SUGCT: variants seen among roughly 807,000 people sequenced by gnomAD.
SUGCT encodes succinyl-CoA:glutarate-CoA transferase.
A neutral mutation model predicts 55.0 loss-of-function variants in SUGCT; 41 were observed. That is an observed-to-expected ratio of 0.74 (90% confidence interval 0.58 to 0.97). The LOEUF (loss-of-function observed/expected upper bound fraction) is 0.97. SUGCT is among the 50% of genes least tolerant of loss of function. The pLI, the probability that SUGCT is intolerant of heterozygous loss-of-function variation, is 0.00. For missense variants in SUGCT, 568 were observed against 547.8 expected, an observed-to-expected ratio of 1.04 and a Z score of -0.37; for synonymous variants, 187 against 200.4, an observed-to-expected ratio of 0.93 and a Z score of 0.56.
intron 11 of SUGCT, among the ~76,000 whole-genome samples, chr7:40,467,053 C>T (rs1038256165): frequency 6.6e-6 from 1 of 151,666 alleles, no homozygotes; most frequent in South Asian, 2.1e-4. Flanking sequence ...ATACAAAAAA[C>T]TAGCTGGGCA....
At position 40,527,008 on chromosome 7, in the gene SUGCT, T is replaced by C. The variant is rs750415977; in HGVS notation, c.1089+30622T>C. Among the ~76,000 whole-genome samples, 78 of 152,230 alleles carry C rather than the reference T, an allele frequency of 5.1e-4. 1 individual carries two copies. The highest frequency in any genetic ancestry group is 1.4e-3 in the Admixed American group (21 of 15,284). On this transcript the variant is annotated intron_variant, in intron 12 of 13. Coordinates refer to ENST00000335693, the MANE Select transcript of SUGCT (RefSeq NM_001193313.2). ...CATACTTTTCTTTCTTACTTTTTTTTCAGTTCTCATTTAATTAGAGTTACA... is the reference window on the plus strand; with the variant it reads ...CATACTTTTCTTTCTTACTTTTTTTCCAGTTCTCATTTAATTAGAGTTACA...
intron 12 of SUGCT, among the ~76,000 whole-genome samples, chr7:40,714,161 C>T (rs902321426): frequency 6.6e-6 from 1 of 152,026 alleles, no homozygotes; most frequent in African/African-American, 2.4e-5. Flanking sequence ...GAAACCCTGT[C>T]TCTACTAAAA....
At chr7:40,534,773 T>C (rs1026872439) in intron 12 of SUGCT, among the ~76,000 whole-genome samples, 4 of 152,224 alleles carry the variant, frequency 2.6e-5, no homozygotes, top group Non-Finnish European at 4.4e-5. Flanking sequence ...TAACCTTTAG[T>C]TAAATTTGAA....
chr7:40,811,606 G>A (rs1414442509), intron 13 of SUGCT, among the ~76,000 whole-genome samples: 4 of 152,008 alleles, frequency 2.6e-5, no homozygotes, highest in Admixed American at 6.6e-5. Flanking sequence ...GCTGATTTTT[G>A]TACATGGATT....
At chr7:40,497,167 G>C (rs1484838984) in intron 12 of SUGCT, among the ~76,000 whole-genome samples, 1 of 152,096 alleles carries the variant, frequency 6.6e-6, no homozygotes, top group African/African-American at 2.4e-5. Context: ...TTATTCAACT[G>C]TCTTGTCAGT....
the SUGCT span, among the ~76,000 whole-genome samples, chr7:40,969,838 T>C: frequency 6.6e-6 from 1 of 152,198 alleles, no homozygotes; most frequent in Non-Finnish European, 1.5e-5. Flanking sequence ...ACAGAAAAGG[T>C]TTAAAGTATC....
At chr7:40,167,262 A>C (rs1784466272) in intron 1 of SUGCT, among the ~76,000 whole-genome samples, 1 of 152,228 alleles carries the variant, frequency 6.6e-6, no homozygotes, top group Admixed American at 6.5e-5. Context: ...CAGACACAAA[A>C]ATACATACTG....
At chr7:40,377,431 T>C (rs1303304331) in intron 9 of SUGCT, among the ~76,000 whole-genome samples, 1 of 151,050 alleles carries the variant, frequency 6.6e-6, no homozygotes, top group Non-Finnish European at 1.5e-5. Context: ...TTAGTATAGA[T>C]GGGGTTTCAC....
intron 12 of SUGCT, among the ~76,000 whole-genome samples, chr7:40,569,846 C>T (rs1251848838): frequency 1.3e-5 from 2 of 152,110 alleles, no homozygotes; most frequent in African/African-American, 4.8e-5. Context: ...GTTAAGCCTT[C>T]GATTCTGACC....
At position 40,488,735 on chromosome 7, in the gene SUGCT, C is replaced by T. The variant is rs6971125; in HGVS notation, c.987-7549C>T. ...TTTCTGAAGGATAACATGCTGGGTACAGTATTCCTGGTTGATGGTTATTTT... is the reference window on the plus strand; with the variant it reads ...TTTCTGAAGGATAACATGCTGGGTATAGTATTCCTGGTTGATGGTTATTTT... On this transcript the variant is annotated intron_variant, in intron 11 of 13. Coordinates refer to ENST00000335693, the MANE Select transcript of SUGCT (RefSeq NM_001193313.2). Among the ~76,000 whole-genome samples the T allele has an allele frequency of 5.9e-5, 9 of 152,214 alleles. No homozygotes were observed. The South Asian group carries it at 1.5e-3, about 25-fold the overall frequency.
the SUGCT span, among the ~76,000 whole-genome samples, chr7:40,951,370 C>T: frequency 1.3e-5 from 2 of 151,790 alleles, no homozygotes; most frequent in African/African-American, 2.4e-5. Context: ...GTCTTGCTAG[C>T]GTTCTATTAA....
chr7:40,630,192 T>A (rs1030092713), intron 12 of SUGCT, among the ~76,000 whole-genome samples: 1 of 152,230 alleles, frequency 6.6e-6, no homozygotes, highest in Non-Finnish European at 1.5e-5. Flanking sequence ...AGCTGCTTTC[T>A]CATTTCATCT....
the SUGCT span, among the ~76,000 whole-genome samples, chr7:41,020,905 T>C: frequency 1.3e-5 from 2 of 152,250 alleles, no homozygotes; most frequent in African/African-American, 4.8e-5. Context: ...CAGCCTGATA[T>C]GGTTGTGGGA....
intron 13 of SUGCT, among the ~76,000 whole-genome samples, chr7:40,791,829 T>G (rs1225984884): frequency 6.6e-6 from 1 of 152,212 alleles, no homozygotes; most frequent in Non-Finnish European, 1.5e-5. Context: ...AACATGTTAC[T>G]TAAGTGAATT....
intron 13 of SUGCT, among the ~76,000 whole-genome samples, chr7:40,819,913 T>A: frequency 6.6e-6 from 1 of 152,220 alleles, no homozygotes; most frequent in Non-Finnish European, 1.5e-5. Flanking sequence ...AAGTCTTTAA[T>A]CTATCTTGAA....
At chr7:40,154,172 G>T in intron 1 of SUGCT, 1 of 198,342 alleles carries the variant, frequency 5.0e-6, no homozygotes, top group East Asian at 1.4e-4. Flanking sequence ...AAAGATTGAA[G>T]CTAACTAATA....
At chr7:40,365,161 C>T (rs1225332862) in intron 9 of SUGCT, among the ~76,000 whole-genome samples, 1 of 152,100 alleles carries the variant, frequency 6.6e-6, no homozygotes, top group Non-Finnish European at 1.5e-5. Context: ...AAGACAAAAA[C>T]CACATGATTA....
At chr7:40,940,770 G>A in the SUGCT span, among the ~76,000 whole-genome samples, 4 of 151,916 alleles carry the variant, frequency 2.6e-5, no homozygotes, top group African/African-American at 9.7e-5. Context: ...TCAAATCTAG[G>A]GTCTTTTGGA....
intron 11 of SUGCT, among the ~76,000 whole-genome samples, chr7:40,492,753 G>A (rs1001572785): frequency 1.3e-5 from 2 of 152,050 alleles, no homozygotes; most frequent in Non-Finnish European, 2.9e-5. Context: ...TCCTGCCTCC[G>A]TGGGTCCAGT....
Sources: gnomAD v4.1 joint callset for allele counts (sites outside exome capture counted in the v4.1 genomes callset) on GRCh38, gnomAD v4.1.1 for gene constraint, MANE v1.5 for transcripts, NCBI Gene and HGNC (gene_info 2026-07-23, HGNC 2026-07-21) for gene names.